The following LZIC variants were observed in gnomAD, a reference collection of about 807,000 sequenced individuals.
LZIC encodes leucine zipper and CTNNBIP1 domain containing.
Under a neutral mutation model 25.4 loss-of-function variants are expected in LZIC, and 28 were observed. The ratio of observed to expected loss-of-function variants is 1.10; its 90% CI spans 0.82 to 1.51. The LOEUF (loss-of-function observed/expected upper bound fraction) is 1.51, where lower values mean the gene tolerates loss of function less well. Among genes scored for constraint, LZIC ranks in the 40% most tolerant of loss-of-function variants. The probability of loss-of-function intolerance (pLI) is 0.00; values close to 1 mark genes in which losing one functional copy is unlikely to be tolerated. For synonymous variants in LZIC, 65 were observed against 70.7 expected, an observed-to-expected ratio of 0.92 and a Z score of 0.40; for missense variants, 170 against 211.1, an observed-to-expected ratio of 0.81 and a Z score of 1.21.
chr1:9,937,270 G>T (rs1640500865), intron 2 of LZIC, among the ~76,000 whole-genome samples: 1 of 152,232 alleles, frequency 6.6e-6, no homozygotes, highest in South Asian at 2.1e-4. Context: ...GCAGGCGCCT[G>T]TAGTCCCAGC....
intron 3 of LZIC, among the ~76,000 whole-genome samples, chr1:9,936,075 G>A (rs1230261491): frequency 6.6e-6 from 1 of 151,668 alleles, no homozygotes; most frequent in Non-Finnish European, 1.5e-5. Context: ...GTTGCAGTGG[G>A]CTGAGATCTC....
At chr1:9,933,121 G>A (rs189856359) in intron 5 of LZIC, among the ~76,000 whole-genome samples, 8 of 151,544 alleles carry the variant, frequency 5.3e-5, no homozygotes, top group Admixed American at 2.6e-4. Context: ...CAGGCATGGT[G>A]GCAGGCGCCT....
At chr1:9,939,962 T>C (rs574402822) in intron 2 of LZIC, among the ~76,000 whole-genome samples, 1 of 151,858 alleles carries the variant, frequency 6.6e-6, no homozygotes, top group Non-Finnish European at 1.5e-5. Context: ...CTACAATAAA[T>C]TAAAATATTA....
At position 9,930,133 on chromosome 1, in the gene LZIC, CTCTT is replaced by C; in HGVS notation, c.*262_*265del. The C allele has an allele frequency of 8.3e-7, 1 of 1,207,060 alleles. No individual in the cohort carries two copies. The highest frequency in any genetic ancestry group is 1.0e-6 in the Non-Finnish European group (1 of 965,510). 74.8% of individuals were successfully genotyped at this position (1,207,060 alleles called of 1,614,324 possible). A position where few individuals can be genotyped will look rare whatever the true frequency, so the allele number is the denominator to read the frequency against. ...AAAAATCAAGTCCACTTTGTTTTCT[CTCTT>C]AAACAGACAAATCATAACGAACAGA... is the stretch of plus-strand genomic sequence containing the variant. On this transcript the variant is annotated 3_prime_UTR_variant, in exon 8 of 8. Transcript: ENST00000377223.
chr1:9,933,921 C>A (rs111309911), intron 5 of LZIC, among the ~76,000 whole-genome samples: 399 of 20,034 alleles, frequency 0.02, 2 homozygotes, highest in South Asian at 0.073. Flanking sequence ...ACAACAACAA[C>A]AAAAAAACAA....
Position 9,937,406 on chromosome 1 carries a change from GA to G in LZIC, c.-8-780del, listed in dbSNP as rs375905214. On this transcript the variant is annotated intron_variant, in intron 2 of 7. Coordinates refer to ENST00000377223, the MANE Select transcript of LZIC (RefSeq NM_032368.5). Reference sequence around the variant, plus strand: ...AGACTCAGGCTCAAAAAAAAAAAAAGAAAAAAAAATTACCTGTAGTCCCAGC... The same window carrying G: ...AGACTCAGGCTCAAAAAAAAAAAAAGAAAAAAAATTACCTGTAGTCCCAGC... Among the ~76,000 whole-genome samples the G allele has an allele frequency of 8.6e-4, 128 of 148,702 alleles. 1 individual carries two copies. Among genetic ancestry groups the G allele is most frequent in the African/African-American group, 2.8e-3 (114 of 40,668 alleles).
At chr1:9,941,985 C>T (rs764425576) in intron 2 of LZIC, among the ~76,000 whole-genome samples, 3 of 152,022 alleles carry the variant, frequency 2.0e-5, no homozygotes, top group African/African-American at 7.3e-5. Flanking sequence ...GGCGCGATCT[C>T]GGCTCACTGC....
chr1:9,929,403 T>A lies in LZIC; in HGVS notation c.*996A>T, dbSNP rs187222294. ...GCTAATATACACGCATAGGGACACA[T>A]CTGCATATTTGAGCATACAGAGACA... On this transcript the variant is annotated 3_prime_UTR_variant, in exon 8 of 8. Transcript: ENST00000377223. The A allele has an allele frequency of 7.2e-3, 7,088 of 985,336 alleles. 28 individuals are homozygous for A. Among genetic ancestry groups the A allele is most frequent in the Non-Finnish European group, 7.9e-3 (6,574 of 829,856 alleles). 61.0% of individuals were successfully genotyped at this position (985,336 alleles called of 1,614,324 possible).
At chr1:9,942,176 CAA>C (rs1212832228) in intron 2 of LZIC, among the ~76,000 whole-genome samples, 1 of 152,120 alleles carries the variant, frequency 6.6e-6, no homozygotes, top group Non-Finnish European at 1.5e-5. Flanking sequence ...CTCAGTCTCC[CAA>C]AGTGATGGGA....
chr1:9,942,577 GCT>G lies in LZIC; in HGVS notation c.-9+45_-9+46del, dbSNP rs1429671620. ...TCACTTTTACGAAACTACAGAAACC[GCT>G]CTCAGACACTATATCTGGAGCGGAG... On this transcript the variant is annotated intron_variant, in intron 2 of 7. Transcript: ENST00000377223. The G allele has an allele frequency of 1.1e-5, 11 of 986,396 alleles. No individual in the cohort carries two copies. In the Admixed American group the frequency reaches 2.0e-4, roughly 18 times the overall value. 61.1% of individuals were successfully genotyped at this position (986,396 alleles called of 1,614,324 possible). A position where few individuals can be genotyped will look rare whatever the true frequency, so the allele number is the denominator to read the frequency against.
rs777965355 is a variant in LZIC at position 9,936,640 on chromosome 1, A to G, written c.-8-13T>C. On this transcript the variant is annotated splice_polypyrimidine_tract_variant and intron_variant, in intron 2 of 7. Coordinates refer to ENST00000377223, the MANE Select transcript of LZIC (RefSeq NM_032368.5). ...GCCATTTTAATCTCTATGTGAAACAATAAACCCACATACCATATGAAATTA... is the reference window on the plus strand; with the variant it reads ...GCCATTTTAATCTCTATGTGAAACAGTAAACCCACATACCATATGAAATTA... 5.4e-6 allele frequency: 8 copies of G among 1,495,236 alleles called. No homozygotes were observed. The highest frequency in any genetic ancestry group is 7.4e-6 in the Non-Finnish European group (8 of 1,074,562). The allele number at this position is 1,495,236 out of a possible 1,614,324, so 92.6% of individuals were successfully genotyped here. A position where few individuals can be genotyped will look rare whatever the true frequency, so the allele number is the denominator to read the frequency against.
rs775479231 is a variant in LZIC at position 9,934,791 on chromosome 1, GTTGT to G, written c.303_306del (p.Lys101AsnfsTer9). On this transcript the variant is annotated frameshift_variant, in exon 5 of 8. Coordinates refer to ENST00000377223, the MANE Select transcript of LZIC (RefSeq NM_032368.5). LOFTEE classifies it high-confidence loss of function. ...GCTAACCTTGTCCGAAGCTGACCTGGTTGTTTCTTTGCAAACAATCTGATGACCT... is the reference window on the plus strand; with the variant it reads ...GCTAACCTTGTCCGAAGCTGACCTGGTTCTTTGCAAACAATCTGATGACCT... 1 of 1,614,096 alleles carries G rather than the reference GTTGT, an allele frequency of 6.2e-7. No homozygotes were observed. The highest frequency in any genetic ancestry group is 8.5e-7 in the Non-Finnish European group (1 of 1,179,982).
At chr1:9,941,201 CTCTT>C (rs748092038) in intron 2 of LZIC, among the ~76,000 whole-genome samples, 48 of 151,614 alleles carry the variant, frequency 3.2e-4, no homozygotes, top group Non-Finnish European at 5.0e-4. Context: ...TCTTTCTTTC[CTCTT>C]TCTTTTTTTT....
intron 5 of LZIC, among the ~76,000 whole-genome samples, chr1:9,934,219 C>A (rs1430020091): frequency 5.3e-5 from 8 of 149,856 alleles, no homozygotes; most frequent in Non-Finnish European, 8.9e-5. Flanking sequence ...CAGAACAAGA[C>A]CCCATCTCAA....
At position 9,936,504 on chromosome 1, in the gene LZIC, CAATTA is replaced by C; in HGVS notation, c.101+10_101+14del. ...CGCCAGTTTCCAGCATAACAACATA[CAATTA>C]AACTCTTACCTGCATTCCTCCAGAT... On this transcript the variant is annotated intron_variant, in intron 3 of 7. Transcript: ENST00000377223. 1 of 1,576,520 alleles carries C rather than the reference CAATTA, an allele frequency of 6.3e-7. No individual in the cohort carries two copies. The highest frequency in any genetic ancestry group is 8.7e-7 in the Non-Finnish European group (1 of 1,146,504).
At chr1:9,923,936 G>C (rs535298969), downstream of LZIC, among the ~76,000 whole-genome samples, 34 of 151,984 alleles carry the variant, frequency 2.2e-4, no homozygotes, top group South Asian at 6.9e-3. Flanking sequence ...TATTTTTGTA[G>C]AGATGGGGTT....
chr1:9,938,363 C>T (rs1640550683), intron 2 of LZIC, among the ~76,000 whole-genome samples: 1 of 152,118 alleles, frequency 6.6e-6, no homozygotes, highest in Non-Finnish European at 1.5e-5. Flanking sequence ...TGGGGTCTCC[C>T]ATGTTGCCCA....
chr1:9,929,366 C>G lies in LZIC; in HGVS notation c.*1033G>C, dbSNP rs1181121724. On this transcript the variant is annotated 3_prime_UTR_variant, in exon 8 of 8. Coordinates refer to ENST00000377223, the MANE Select transcript of LZIC (RefSeq NM_032368.5). The stretch of plus-strand genomic sequence containing the variant: ...ATGAAAGAATATAAAATGGCTAGAG[C>G]CTAAAAAATAAGCTAATATACACGC... 1.0e-6 allele frequency: 1 copy of G among 984,818 alleles called. No individual in the cohort carries two copies. Among genetic ancestry groups the G allele is most frequent in the African/African-American group, 1.7e-5 (1 of 57,190 alleles). 61.0% of individuals were successfully genotyped at this position (984,818 alleles called of 1,614,324 possible).
At chr1:9,939,347 G>A (rs1162686444) in intron 2 of LZIC, among the ~76,000 whole-genome samples, 3 of 145,942 alleles carry the variant, frequency 2.1e-5, no homozygotes, top group Non-Finnish European at 4.5e-5. Context: ...CAGGCATGAG[G>A]CACCCCACTT....
Sources: allele counts gnomAD v4.1 joint callset (sites outside exome capture counted in the v4.1 genomes callset), GRCh38; gene constraint gnomAD v4.1.1; transcripts MANE v1.5; gene names NCBI Gene and HGNC (gene_info 2026-07-23, HGNC 2026-07-21).